STK3: variants seen among roughly 807,000 people sequenced by gnomAD.
STK3 encodes the protein serine/threonine-protein kinase 3.
A neutral mutation model predicts 58.0 loss-of-function variants in STK3; 41 were observed. The observed-to-expected ratio is 0.71, with a 90% confidence interval of 0.55 to 0.92. The LOEUF is 0.92. STK3 is among the 40% of genes least tolerant of loss of function. The pLI, the probability that STK3 is intolerant of heterozygous loss-of-function variation, is 0.00. For synonymous variants in STK3, 170 were observed against 191.0 expected, an observed-to-expected ratio of 0.89 and a Z score of 0.91; for missense variants, 479 against 602.7, an observed-to-expected ratio of 0.79 and a Z score of 2.15.
chr8:98,465,372 A>C (rs143113133), intron 10 of STK3, among the ~76,000 whole-genome samples: 3 of 152,336 alleles, frequency 2.0e-5, no homozygotes, highest in Non-Finnish European at 1.5e-5. Context: ...TCCAATGATC[A>C]TGTGAAACAG....
chr8:98,385,885 T>C (rs1354341822), intron 1 of STK3, among the ~76,000 whole-genome samples: 1 of 152,206 alleles, frequency 6.6e-6, no homozygotes, highest in Non-Finnish European at 1.5e-5. Context: ...TGTGGCTGGA[T>C]TAATCTTCTT....
At chr8:98,474,685 T>C (rs997634448) in intron 10 of STK3, among the ~76,000 whole-genome samples, 2 of 152,222 alleles carry the variant, frequency 1.3e-5, no homozygotes, top group African/African-American at 4.8e-5. Context: ...TATTCATCTT[T>C]AGGACTGATC....
At chr8:98,520,015 C>T (rs1348879272) in intron 10 of STK3, among the ~76,000 whole-genome samples, 1 of 152,022 alleles carries the variant, frequency 6.6e-6, no homozygotes, top group Admixed American at 6.6e-5. Context: ...CTTTACATTA[C>T]CCAAAATATA....
intron 2 of STK3, among the ~76,000 whole-genome samples, chr8:98,373,911 C>T (rs548535819): frequency 6.6e-6 from 1 of 152,232 alleles, no homozygotes; most frequent in Non-Finnish European, 1.5e-5. Flanking sequence ...ACTCCAAAAC[C>T]TATATTCTTT....
intron 6 of STK3, among the ~76,000 whole-genome samples, chr8:98,679,969 C>T (rs542193005): frequency 1.3e-5 from 2 of 152,154 alleles, no homozygotes; most frequent in South Asian, 4.2e-4. Flanking sequence ...AGGTAAGGTA[C>T]CCTGAGATCA....
chr8:98,687,606 G>C (rs904067824), intron 6 of STK3, among the ~76,000 whole-genome samples: 3 of 152,148 alleles, frequency 2.0e-5, no homozygotes, highest in Non-Finnish European at 2.9e-5. Flanking sequence ...CTACAAACCA[G>C]ACAAGATTAG....
intron 4 of STK3, among the ~76,000 whole-genome samples, chr8:98,728,427 A>G (rs1827940566): frequency 6.6e-6 from 1 of 152,182 alleles, no homozygotes; most frequent in African/African-American, 2.4e-5. Context: ...AGGAAAAAAA[A>G]GATTAATAAT....
At chr8:98,566,926 G>A (rs1462981728) in intron 8 of STK3, among the ~76,000 whole-genome samples, 2 of 152,132 alleles carry the variant, frequency 1.3e-5, no homozygotes, top group Non-Finnish European at 1.5e-5. Flanking sequence ...CAGTTCCCCA[G>A]TACCAAAACT....
chr8:98,898,290 A>C (rs1377793895), intron 1 of STK3, among the ~76,000 whole-genome samples: 1 of 152,208 alleles, frequency 6.6e-6, no homozygotes, highest in Non-Finnish European at 1.5e-5. Context: ...TATTCCTGTC[A>C]AACAGACTCT....
At position 98,454,809 on chromosome 8, in the gene STK3, C is replaced by A. The variant is rs2131131014; in HGVS notation, c.*1033G>T. On this transcript the variant is annotated 3_prime_UTR_variant, in exon 11 of 11. Transcript: ENST00000419617. ...TGAGTTTCTTTTTAATGGTTTTAAT[C>A]TTTTTTTTTTCAGTCCCCAAGGCTT... 6.7e-6 allele frequency: 1 copy of A among 149,422 alleles called. No homozygotes were observed. Among genetic ancestry groups the A allele is most frequent in the South Asian group, 2.2e-4 (1 of 4,646 alleles). The allele number at this position is 149,422 out of a possible 1,614,324, so 9.3% of individuals were successfully genotyped here.
intron 10 of STK3, among the ~76,000 whole-genome samples, chr8:98,505,919 A>G (rs1190774142): frequency 6.6e-6 from 1 of 152,012 alleles, no homozygotes; most frequent in Non-Finnish European, 1.5e-5. Context: ...GAGAACCACT[A>G]CTCTCTTCAG....
At chr8:98,536,185 T>C (rs1809752202) in intron 9 of STK3, among the ~76,000 whole-genome samples, 1 of 152,122 alleles carries the variant, frequency 6.6e-6, no homozygotes, top group Non-Finnish European at 1.5e-5. Flanking sequence ...AGTGAAAAAT[T>C]TGCCTCCCTA....
the STK3 span, among the ~76,000 whole-genome samples, chr8:98,357,131 C>T: frequency 6.4e-3 from 971 of 152,262 alleles, 12 homozygotes; most frequent in Middle Eastern, 0.096. Context: ...CTTAAGATGC[C>T]ATGAACATAA....
At chr8:98,519,324 C>T (rs749692265) in intron 10 of STK3, among the ~76,000 whole-genome samples, 29 of 152,116 alleles carry the variant, frequency 1.9e-4, no homozygotes, top group Non-Finnish European at 8.8e-5. Flanking sequence ...GTAGATGCTG[C>T]TGGCTTAAGT....
intron 3 of STK3, chr8:98,875,609 C>T (rs760215439): frequency 2.0e-5 from 3 of 152,132 alleles, no homozygotes; most frequent in Admixed American, 6.5e-5. Context: ...GTTAAGAAAT[C>T]CAGGTTTCAG....
intron 10 of STK3, among the ~76,000 whole-genome samples, chr8:98,499,560 G>C (rs528855364): frequency 1.3e-5 from 2 of 152,300 alleles, no homozygotes; most frequent in East Asian, 3.9e-4. Context: ...GGCACTGCTG[G>C]TAACAGCTCA....
At chr8:98,739,007 A>C (rs1450786514) in intron 4 of STK3, among the ~76,000 whole-genome samples, 1 of 152,232 alleles carries the variant, frequency 6.6e-6, no homozygotes. Context: ...GCAGTCTGAG[A>C]TCAAACTGCA....
chr8:98,425,253 C>G (rs2131061571), intron 3 of STK3, among the ~76,000 whole-genome samples: 1 of 152,302 alleles, frequency 6.6e-6, no homozygotes, highest in Admixed American at 6.5e-5. Context: ...CTGCTGTCCA[C>G]ACACAGACCC....
At chr8:98,883,089 TTTG>T (rs946156354), downstream of STK3, 1 of 152,518 alleles carries the variant, frequency 6.6e-6, no homozygotes, top group Non-Finnish European at 1.5e-5. Flanking sequence ...CAGCAAGGGT[TTTG>T]TTTTGTTTTG....
Sources: gnomAD v4.1 joint callset for allele counts (sites outside exome capture counted in the v4.1 genomes callset) on GRCh38, gnomAD v4.1.1 for gene constraint, MANE v1.5 for transcripts, NCBI Gene and HGNC (gene_info 2026-07-23, HGNC 2026-07-21) for gene names.